The following ZNF683 variants were observed in gnomAD, a reference collection of about 807,000 sequenced individuals.
ZNF683 encodes zinc finger protein 683, also known as tissue-resident T-cell transcription regulator protein ZNF683.
Under a neutral mutation model 31.4 loss-of-function variants are expected in ZNF683, and 20 were observed. That is an observed-to-expected ratio of 0.64 (90% CI 0.45 to 0.93). The LOEUF (loss-of-function observed/expected upper bound fraction) is 0.93. Among genes scored for constraint, ZNF683 ranks in the 40% least tolerant of loss-of-function variants. The pLI is 0.00. For missense variants in ZNF683, 621 were observed against 637.2 expected (o/e 0.97, Z 0.27); for synonymous variants, 264 against 267.6 (o/e 0.99, Z 0.13).
At chr1:26,368,369 T>A (rs2074580676) in intron 2 of ZNF683, 89 bp downstream of exon 2, 1 of 1,416,964 alleles carries the variant, frequency 7.1e-7, no homozygotes, top group Non-Finnish European at 9.3e-7. Context: ...GAGATCTAGG[T>A]CCCTTCAGAC....
At position 26,365,179 on chromosome 1, in the gene ZNF683, AT is replaced by A. The variant is rs1557737055; in HGVS notation, c.366del (p.Lys122AsnfsTer116). 1.4e-5 allele frequency: 23 copies of A among 1,609,774 alleles called. No homozygotes were observed. Among genetic ancestry groups the A allele is most frequent in the Middle Eastern group, 1.6e-4 (1 of 6,078 alleles). Reference protein sequence around the residue: ...GLQASSTDDKKFTVKYPQNKD... With the variant: ...GLQASSTDDKXFTVKYPQNKD... ...TTGTTCTGTGGGTACTTGACTGTGA[AT>A]TTCTTGTCATCGGTGGAGCTGGCCT... On this transcript the variant is annotated frameshift_variant, in exon 4 of 6. Transcript: ENST00000349618. LOFTEE classifies it high-confidence loss of function.
At chr1:26,366,302 G>A (rs2074520229) in intron 3 of ZNF683, among the ~76,000 whole-genome samples, 1 of 147,176 alleles carries the variant, frequency 6.8e-6, no homozygotes, top group South Asian at 2.1e-4. Context: ...GTTGGAGGCT[G>A]CAGTGAGCCA....
upstream of ZNF683, chr1:26,374,306 C>T (rs550407532): frequency 2.5e-5 from 32 of 1,304,096 alleles, no homozygotes; most frequent in Middle Eastern, 4.3e-4. Flanking sequence ...AGCTGTGCTC[C>T]CTCCTGGCAT....
At chr1:26,372,541 C>T (rs1430597838) in intron 1 of ZNF683, 128 bp downstream of exon 1, 12 of 1,304,878 alleles carry the variant, frequency 9.2e-6, no homozygotes, top group Non-Finnish European at 1.2e-5. Flanking sequence ...ACACCTTTGG[C>T]TTCCATCTGC....
At chr1:26,372,458 C>T in intron 1 of ZNF683, 3 of 1,301,134 alleles carry the variant, frequency 2.3e-6, no homozygotes, top group Non-Finnish European at 3.0e-6. Context: ...TTCCAACCTC[C>T]CTCACCAGCA....
In ZNF683 at chr1:26,364,534, T is replaced by C. The variant is rs2124135543; in HGVS notation, c.1012A>G (p.Lys338Glu). The C allele has an allele frequency of 6.2e-7, 1 of 1,613,618 alleles. No homozygotes were observed. Among genetic ancestry groups the C allele is most frequent in the Non-Finnish European group, 8.5e-7 (1 of 1,179,788 alleles). Residue 338 changes from lysine (K) to glutamate (E), a missense_variant and splice_region_variant, in exon 4 of 6, where the codon AAG (lysine) becomes GAG (glutamate). Lys to Glu is a moderately conservative substitution (Grantham distance 56, BLOSUM62 1). Coordinates refer to ENST00000349618, the MANE Select transcript of ZNF683 (RefSeq NM_001114759.3). Reference sequence around the variant, plus strand: ...AGCAGAGCCCAGGAGGCAGATACCTTGAGATTGGAGAGCTGCCCAAAGCTC... The same window carrying C: ...AGCAGAGCCCAGGAGGCAGATACCTCGAGATTGGAGAGCTGCCCAAAGCTC... ...GKSFGQLSNL[K>E]VHLRVHSGER...
intron 3 of ZNF683, among the ~76,000 whole-genome samples, chr1:26,365,834 G>A (rs2074509135): frequency 6.6e-6 from 1 of 152,204 alleles, no homozygotes; most frequent in Non-Finnish European, 1.5e-5. Flanking sequence ...CTTAAGCCTA[G>A]GAATTTGAGA....
At chr1:26,372,618 G>C (rs1396294127) in intron 1 of ZNF683, 51 bp downstream of exon 1, 8 of 1,304,326 alleles carry the variant, frequency 6.1e-6, no homozygotes, top group African/African-American at 4.6e-5. Context: ...CAACTTCTCT[G>C]TTAGAAAAAA....
upstream of ZNF683, chr1:26,374,147 T>C: frequency 2.2e-6 from 2 of 908,608 alleles, no homozygotes; most frequent in South Asian, 1.7e-5. Context: ...AAAACTCTAC[T>C]CCCTAAAAGG....
chr1:26,367,536 GC>G (rs1302748229), intron 3 of ZNF683, 56 bp downstream of exon 3: 64 of 1,458,752 alleles, frequency 4.4e-5, no homozygotes, highest in Non-Finnish European at 5.5e-5. Flanking sequence ...ACCTAGCAGT[GC>G]CCCCCACCCT....
chr1:26,372,967 G>A (rs2074702020), upstream of ZNF683, among the ~76,000 whole-genome samples: 1 of 152,104 alleles, frequency 6.6e-6, no homozygotes, highest in African/African-American at 2.4e-5. Context: ...CGAGTCTTGT[G>A]AGCATGAGAA....
chr1:26,365,015 A>G lies in ZNF683; in HGVS notation c.531T>C (p.Pro177=). 6.3e-7 allele frequency: 1 copy of G among 1,585,158 alleles called. No homozygotes were observed. Among genetic ancestry groups the G allele is most frequent in the Non-Finnish European group, 8.6e-7 (1 of 1,168,200 alleles). The change falls in exon 4 of 6, where the codon CCT becomes CCC. Residue 177 remains proline (P), a synonymous_variant. Transcript: ENST00000349618. ...PSPLAFCPCP[P]VNSISKELPF... ...GGAGCTCCTTGGAGATGGAGTTGAC[A>G]GGGGGACAGGGGCAGAAAGCCAAGG...
upstream of ZNF683, among the ~76,000 whole-genome samples, chr1:26,373,926 C>G (rs1283763138): frequency 6.6e-6 from 1 of 152,126 alleles, no homozygotes; most frequent in African/African-American, 2.4e-5. Context: ...GCAGCTCATC[C>G]AGAGTCACAC....
Position 26,372,622 on chromosome 1 carries a change from G to GA in ZNF683, c.-15+46dup, listed in dbSNP as rs536112960. The GA allele has an allele frequency of 4.7e-4, 607 of 1,304,214 alleles. 2 individuals carry two copies. Among genetic ancestry groups the GA allele is most frequent in the Non-Finnish European group, 5.8e-4 (575 of 988,906 alleles). The allele number at this position is 1,304,214 out of a possible 1,614,324, so 80.8% of individuals were successfully genotyped here. A position where few individuals can be genotyped will look rare whatever the true frequency, so the allele number is the denominator to read the frequency against. ...AACACCTTGCACAACTTCTCTGTTA[G>GA]AAAAAAATAAAAACTACTTCCCCTC... On this transcript the variant is annotated intron_variant, in intron 1 of 5. Transcript: ENST00000349618.
At position 26,361,873 on chromosome 1, in the gene ZNF683, C is replaced by T. The variant is rs1014774303; in HGVS notation, c.1293G>A (p.Gln431=). The T allele has an allele frequency of 1.9e-6, 3 of 1,614,004 alleles. No individual in the cohort carries two copies. Among genetic ancestry groups the T allele is most frequent in the East Asian group, 4.5e-5 (2 of 44,880 alleles). ...GCTGGGTGTGCACCAGGCCACAGGGCTGTGGGGCATGCAGCCGATGGTGCA... is the reference window on the plus strand; with the variant it reads ...GCTGGGTGTGCACCAGGCCACAGGGTTGTGGGGCATGCAGCCGATGGTGCA... The part of the protein sequence containing the change: ...LKLHHRLHAP[Q]PCGLVHTQLP... Residue 431 remains glutamine, a synonymous_variant, in exon 6 of 6, where the codon CAG becomes CAA. Transcript: ENST00000349618.
chr1:26,367,918 C>T, intron 2 of ZNF683, 121 bp from the exon 3 acceptor site: 1 of 686,878 alleles, frequency 1.5e-6, no homozygotes, highest in South Asian at 2.1e-5. Flanking sequence ...CCACCACACT[C>T]CATATCTGTC....
chr1:26,374,157 G>C (rs58364802), upstream of ZNF683: 7,008 of 1,050,474 alleles, frequency 6.7e-3, 314 homozygotes, highest in African/African-American at 0.1. Context: ...TCCCTAAAAG[G>C]AAGAGCCCTC....
In ZNF683 at chr1:26,372,680, T is replaced by C. The variant is rs1350143068; in HGVS notation, c.-26A>G. 2 of 1,291,022 alleles carry C rather than the reference T, an allele frequency of 1.5e-6. No homozygotes were observed. Among genetic ancestry groups the C allele is most frequent in the Non-Finnish European group, 2.0e-6 (2 of 983,050 alleles). 80.0% of individuals were successfully genotyped at this position (1,291,022 alleles called of 1,614,324 possible). ...ACTTCCCAACCTACTCTGGTGATCA[T>C]GGGCTTTCCTTGGCTTGGGTCTCTG... On this transcript the variant is annotated 5_prime_UTR_variant, in exon 1 of 6. It removes an upstream start codon present in the reference 5' UTR. Transcript: ENST00000349618.
chr1:26,364,378 C>T (rs2074461649), intron 4 of ZNF683, among the ~76,000 whole-genome samples, 154 bp downstream of exon 4: 2 of 152,162 alleles, frequency 1.3e-5, no homozygotes, highest in South Asian at 2.1e-4. Flanking sequence ...TATCCGATAT[C>T]TCCACCCAAA....
Sources: gnomAD v4.1 joint callset for allele counts (sites outside exome capture counted in the v4.1 genomes callset) on GRCh38, gnomAD v4.1.1 for gene constraint, MANE v1.5 for transcripts, NCBI Gene and HGNC (gene_info 2026-07-23, HGNC 2026-07-21) for gene names.